Variants in RAD51B observed in about 807,000 individuals in gnomAD.
RAD51B encodes the protein RAD51 paralog B.
RAD51B carries 38 observed loss-of-function variants against 42.2 expected under a neutral mutation model. The observed-to-expected ratio is 0.90, with a 90% confidence interval of 0.70 to 1.18. The LOEUF (loss-of-function observed/expected upper bound fraction) is 1.18, where lower values mean the gene tolerates loss of function less well. RAD51B is among the 50% of genes most tolerant of loss of function. The pLI is 0.00. For missense variants in RAD51B, 373 were observed against 400.7 expected (o/e 0.93, Z 0.59); for synonymous variants, 154 against 145.2 (o/e 1.06, Z -0.43).
intron 11 of RAD51B, among the ~76,000 whole-genome samples, chr14:68,651,291 A>G (rs1164795061): frequency 6.6e-6 from 1 of 151,892 alleles, no homozygotes; most frequent in Non-Finnish European, 1.5e-5. Flanking sequence ...TCACACCTCA[A>G]CCTCCCAAGT....
At chr14:68,606,553 C>A (rs1440055245) in intron 10 of RAD51B, among the ~76,000 whole-genome samples, 1 of 152,056 alleles carries the variant, frequency 6.6e-6, no homozygotes, top group African/African-American at 2.4e-5. Flanking sequence ...AAATGAGGCT[C>A]TGGAAAGGTA....
At chr14:67,998,969 C>T (rs898488724) in intron 7 of RAD51B, among the ~76,000 whole-genome samples, 3 of 152,008 alleles carry the variant, frequency 2.0e-5, no homozygotes, top group African/African-American at 7.2e-5. Context: ...TAGCACTCTG[C>T]CCTGAAGAGT....
At chr14:67,851,395 T>C (rs1477301910) in intron 4 of RAD51B, among the ~76,000 whole-genome samples, 1 of 151,920 alleles carries the variant, frequency 6.6e-6, no homozygotes, top group Non-Finnish European at 1.5e-5. Flanking sequence ...CACAGGTCTA[T>C]GGGGGTAAGG....
At chr14:68,014,640 G>A (rs573728270) in intron 7 of RAD51B, among the ~76,000 whole-genome samples, 1 of 151,750 alleles carries the variant, frequency 6.6e-6, no homozygotes, top group African/African-American at 2.4e-5. Flanking sequence ...AATTTGTATG[G>A]TCAAAACTTG....
intron 7 of RAD51B, among the ~76,000 whole-genome samples, chr14:68,122,859 G>T (rs1273540047): frequency 6.6e-6 from 1 of 152,150 alleles, no homozygotes; most frequent in Non-Finnish European, 1.5e-5. Context: ...TTAAAAGAAT[G>T]AAGAAGTTCT....
intron 7 of RAD51B, among the ~76,000 whole-genome samples, chr14:68,191,155 A>T (rs1440944768): frequency 6.6e-6 from 1 of 152,180 alleles, no homozygotes; most frequent in African/African-American, 2.4e-5. Flanking sequence ...CTTGGCAGAG[A>T]TGGGAGAAGA....
At chr14:67,830,788 T>G (rs898420107) in intron 3 of RAD51B, among the ~76,000 whole-genome samples, 2 of 152,120 alleles carry the variant, frequency 1.3e-5, no homozygotes, top group African/African-American at 4.8e-5. Context: ...CTCTGACTTT[T>G]GCTTTGAGAA....
downstream of RAD51B, among the ~76,000 whole-genome samples, chr14:68,613,458 C>T (rs867264178): frequency 6.4e-5 from 9 of 139,848 alleles, no homozygotes; most frequent in South Asian, 9.2e-4. Flanking sequence ...TTCTTTTTTT[C>T]TTTTTTTTTT....
At chr14:67,877,158 G>T (rs1223157430) in intron 5 of RAD51B, among the ~76,000 whole-genome samples, 2 of 151,980 alleles carry the variant, frequency 1.3e-5, no homozygotes, top group African/African-American at 4.8e-5. Flanking sequence ...TGTAATGTGA[G>T]GGTCATTAAG....
intron 8 of RAD51B, among the ~76,000 whole-genome samples, chr14:68,331,269 G>A (rs1487285222): frequency 6.6e-6 from 1 of 150,424 alleles, no homozygotes; most frequent in Non-Finnish European, 1.5e-5. Flanking sequence ...GGCTGAGGCA[G>A]GAGAATTGCT....
intron 10 of RAD51B, among the ~76,000 whole-genome samples, chr14:68,648,004 C>CATATATATATATATATAT (rs374934304): frequency 2.8e-5 from 3 of 108,692 alleles, no homozygotes; most frequent in Non-Finnish European, 3.7e-5. Context: ...AAAAATTGAG[C>CATATATATATATATATAT]ATATATATAT....
At chr14:68,236,926 T>A (rs1420972143) in intron 7 of RAD51B, among the ~76,000 whole-genome samples, 7 of 152,246 alleles carry the variant, frequency 4.6e-5, no homozygotes, top group Admixed American at 4.6e-4. Flanking sequence ...TGTAACAGTC[T>A]GTTCCTTAAG....
chr14:68,593,521 G>A (rs1890850269), intron 10 of RAD51B, among the ~76,000 whole-genome samples: 1 of 152,152 alleles, frequency 6.6e-6, no homozygotes, highest in Non-Finnish European at 1.5e-5. Flanking sequence ...TGATGGGGAG[G>A]GAGAGATGAA....
At chr14:68,225,500 G>C (rs906210221) in intron 7 of RAD51B, among the ~76,000 whole-genome samples, 7 of 152,174 alleles carry the variant, frequency 4.6e-5, no homozygotes, top group African/African-American at 1.4e-4. Context: ...CATGATTGTG[G>C]GATGCTAATT....
chr14:67,822,652 G>C lies in RAD51B; in HGVS notation c.-2-890G>C, dbSNP rs937209679. ...GTAGGAGGATTGCTTGAGCCCAGGA[G>C]GGGGAGGTTGCAGTGAGCTGAGATC... On this transcript the variant is annotated intron_variant, in intron 1 of 10. Coordinates refer to ENST00000471583, the MANE Select transcript of RAD51B (RefSeq NM_133510.4). Among the ~76,000 whole-genome samples, 7 of 152,268 alleles carry C rather than the reference G, an allele frequency of 4.6e-5. No individual in the cohort carries two copies. In the East Asian group the frequency reaches 1.3e-3, roughly 29 times the overall value.
chr14:68,062,831 A>AAG (rs71281750), intron 7 of RAD51B, among the ~76,000 whole-genome samples: 2 of 141,520 alleles, frequency 1.4e-5, no homozygotes, highest in African/African-American at 5.9e-5. Context: ...AAAAAAAAAA[A>AAG]GAAAAAAAAA....
intron 9 of RAD51B, among the ~76,000 whole-genome samples, chr14:68,431,225 G>A (rs1346133409): frequency 6.6e-6 from 1 of 151,884 alleles, no homozygotes; most frequent in African/African-American, 2.4e-5. Flanking sequence ...TTTTTGTTGT[G>A]TCTCTGCCAG....
intron 8 of RAD51B, among the ~76,000 whole-genome samples, chr14:68,308,898 T>C (rs1011046477): frequency 6.6e-6 from 1 of 152,116 alleles, no homozygotes; most frequent in Non-Finnish European, 1.5e-5. Context: ...TGAAACCAAA[T>C]GTACTTTCTA....
chr14:68,359,148 C>G (rs17105463), intron 8 of RAD51B, among the ~76,000 whole-genome samples: 1 of 151,914 alleles, frequency 6.6e-6, no homozygotes, highest in Non-Finnish European at 1.5e-5. Flanking sequence ...CACGACCTTA[C>G]GAAAAACCAC....
Sources: gnomAD v4.1 joint callset for allele counts (sites outside exome capture counted in the v4.1 genomes callset) on GRCh38, gnomAD v4.1.1 for gene constraint, MANE v1.5 for transcripts, NCBI Gene and HGNC (gene_info 2026-07-23, HGNC 2026-07-21) for gene names.